Variants in GALNTL6 observed in about 807,000 individuals in gnomAD.
GALNTL6 encodes the protein polypeptide N-acetylgalactosaminyltransferase like 6.
Under a neutral mutation model 73.7 loss-of-function variants are expected in GALNTL6, and 46 were observed. The observed-to-expected ratio is 0.62, with a 90% CI of 0.49 to 0.80. The LOEUF is 0.80. GALNTL6 is among the 30% of genes least tolerant of loss of function. GALNTL6 has a pLI of 0.00. For synonymous variants in GALNTL6, 259 were observed against 263.7 expected, an observed-to-expected ratio of 0.98 and a Z score of 0.17; for missense variants, 604 against 755.0, an observed-to-expected ratio of 0.80 and a Z score of 2.34.
In GALNTL6 at chr4:172,808,789, G is replaced by A. The variant is rs149710981; in HGVS notation, c.554-572G>A. On this transcript the variant is annotated intron_variant, in intron 5 of 12. Transcript: ENST00000506823. Reference sequence around the variant, plus strand: ...TAGGTAAGTTCCAAACGACTGTATAGTATTTCATCTGCAGCCAGTCACCTT... The same window carrying A: ...TAGGTAAGTTCCAAACGACTGTATAATATTTCATCTGCAGCCAGTCACCTT... Among the ~76,000 whole-genome samples, 80 of 152,304 alleles carry A rather than the reference G, an allele frequency of 5.3e-4. 1 individual carries two copies. The South Asian group carries it at 5.8e-3, about 11-fold the overall frequency.
intron 5 of GALNTL6, among the ~76,000 whole-genome samples, chr4:172,654,559 T>A (rs1168144491): frequency 5.9e-5 from 9 of 152,210 alleles, no homozygotes; most frequent in Non-Finnish European, 1.3e-4. Context: ...CCTTGGTGAA[T>A]CTCTACTGTC....
In GALNTL6 at chr4:172,429,175, A is replaced by ATTATTTTATTTTGTTTTATTATTTTATT. The variant is rs1731340851; in HGVS notation, c.553+80498_553+80499insGTTTTATTATTTTATTTTATTTTATTTT. ...CCACCTCTTTATTTTATTTTGTTTT[A>ATTATTTTATTTTGTTTTATTATTTTATT]TTATTTTATTTTATTTTATATTATT... On this transcript the variant is annotated intron_variant, in intron 5 of 12. Transcript: ENST00000506823. Among the ~76,000 whole-genome samples, 8 of 13,304 alleles carry ATTATTTTATTTTGTTTTATTATTTTATT rather than the reference A, an allele frequency of 6.0e-4. 1 individual carries two copies. The highest frequency in any genetic ancestry group is 5.6e-3 in the Admixed American group (6 of 1,074). The allele number at this position is 13,304 out of a possible 152,430, so 8.7% of individuals were successfully genotyped here.
chr4:172,300,771 C>G (rs1422553685), intron 3 of GALNTL6, among the ~76,000 whole-genome samples: 1 of 152,088 alleles, frequency 6.6e-6, no homozygotes, highest in Non-Finnish European at 1.5e-5. Flanking sequence ...CTTGTGGTAA[C>G]CCGACCTTTC....
intron 2 of GALNTL6, among the ~76,000 whole-genome samples, chr4:172,209,407 T>C (rs1736252287): frequency 6.7e-6 from 1 of 149,754 alleles, no homozygotes; most frequent in African/African-American, 2.5e-5. Context: ...GAATTCTGAC[T>C]ATCTTTCTAA....
At chr4:172,537,562 C>A (rs1004804935) in intron 5 of GALNTL6, among the ~76,000 whole-genome samples, 7 of 152,124 alleles carry the variant, frequency 4.6e-5, no homozygotes, top group Non-Finnish European at 1.0e-4. Flanking sequence ...AGCTCTTTTT[C>A]TTTATAAATT....
At chr4:172,974,379 T>A (rs1469256718) in intron 10 of GALNTL6, among the ~76,000 whole-genome samples, 1 of 152,222 alleles carries the variant, frequency 6.6e-6, no homozygotes, top group African/African-American at 2.4e-5. Flanking sequence ...ATTAGTTACC[T>A]AGAGTACTTT....
intron 2 of GALNTL6, among the ~76,000 whole-genome samples, chr4:172,079,969 T>G (rs1355604763): frequency 6.6e-6 from 1 of 152,176 alleles, no homozygotes; most frequent in East Asian, 1.9e-4. Context: ...AGTGTCATAC[T>G]TAGAAACATC....
chr4:171,960,396 C>A (rs933830622), intron 2 of GALNTL6, among the ~76,000 whole-genome samples: 2 of 151,966 alleles, frequency 1.3e-5, no homozygotes, highest in Non-Finnish European at 1.5e-5. Flanking sequence ...CCTGTCTCAG[C>A]CTCCCGAGTA....
At chr4:172,834,395 G>C (rs752270805) in intron 7 of GALNTL6, among the ~76,000 whole-genome samples, 1 of 152,244 alleles carries the variant, frequency 6.6e-6, no homozygotes, top group Admixed American at 6.5e-5. Flanking sequence ...GCCCATTACA[G>C]CGAGGTAAGC....
chr4:172,460,536 C>T (rs1385804354), intron 5 of GALNTL6, among the ~76,000 whole-genome samples: 3 of 152,008 alleles, frequency 2.0e-5, no homozygotes, highest in South Asian at 4.1e-4. Context: ...AAAAGACAAC[C>T]CCATCAAAAA....
In GALNTL6 at chr4:172,847,049, T is replaced by C. The variant is rs192152847; in HGVS notation, c.923+33326T>C. ...CACACTGAAAACTTGTCCATGAATA[T>C]ATGTCACAATCACCTTTTTATTCAT... On this transcript the variant is annotated intron_variant, in intron 7 of 12. Transcript: ENST00000506823. Among the ~76,000 whole-genome samples the C allele has an allele frequency of 2.5e-3, 385 of 152,312 alleles. 1 individual carries two copies. The highest frequency in any genetic ancestry group is 6.8e-3 in the Middle Eastern group (2 of 294).
At chr4:172,833,125 C>T (rs925505767) in intron 7 of GALNTL6, among the ~76,000 whole-genome samples, 1 of 152,020 alleles carries the variant, frequency 6.6e-6, no homozygotes, top group Non-Finnish European at 1.5e-5. Flanking sequence ...AGAACATGGG[C>T]GTTCTTCCGG....
intron 5 of GALNTL6, among the ~76,000 whole-genome samples, chr4:172,697,419 T>C (rs1560887441): frequency 1.3e-5 from 2 of 152,220 alleles, no homozygotes; most frequent in African/African-American, 2.4e-5. Context: ...AAATACTAAA[T>C]AAAAAGTTGG....
chr4:172,398,996 G>T (rs1171886245), intron 5 of GALNTL6, among the ~76,000 whole-genome samples: 1 of 151,900 alleles, frequency 6.6e-6, no homozygotes, highest in Non-Finnish European at 1.5e-5. Context: ...TTTTAGTTGT[G>T]TCTTGATGAT....
chr4:172,519,449 T>C (rs895131790), intron 5 of GALNTL6, among the ~76,000 whole-genome samples: 1 of 151,028 alleles, frequency 6.6e-6, no homozygotes, highest in African/African-American at 2.4e-5. Context: ...AAATGATTGC[T>C]TGTGTCATCT....
chr4:172,032,438 GA>G (rs1741796225), intron 2 of GALNTL6, among the ~76,000 whole-genome samples: 1 of 152,128 alleles, frequency 6.6e-6, no homozygotes, highest in South Asian at 2.1e-4. Context: ...TAATGCTAAA[GA>G]ATTATCTTAA....
In GALNTL6 at chr4:172,441,857, C is replaced by T. The variant is rs187736679; in HGVS notation, c.553+93168C>T. Among the ~76,000 whole-genome samples, 60 of 151,860 alleles carry T rather than the reference C, an allele frequency of 4.0e-4. No homozygotes were observed. The East Asian group carries it at 9.7e-3, about 25-fold the overall frequency. Reference sequence around the variant, plus strand: ...TGGTGTATGAGGGAGCTAGGGAAGACGTGGAAATGTGGCTCAATTTGTAGT... The same window carrying T: ...TGGTGTATGAGGGAGCTAGGGAAGATGTGGAAATGTGGCTCAATTTGTAGT... On this transcript the variant is annotated intron_variant, in intron 5 of 12. Transcript: ENST00000506823.
intron 3 of GALNTL6, among the ~76,000 whole-genome samples, chr4:172,258,454 A>G (rs995192949): frequency 3.3e-5 from 5 of 151,230 alleles, no homozygotes; most frequent in Admixed American, 2.0e-4. Flanking sequence ...TGTGAGAATT[A>G]TGTTTTTCAT....
At chr4:172,966,715 T>C (rs1313497601) in intron 10 of GALNTL6, among the ~76,000 whole-genome samples, 2 of 152,208 alleles carry the variant, frequency 1.3e-5, no homozygotes, top group African/African-American at 4.8e-5. Flanking sequence ...CTAAGACTAA[T>C]GCCAGTATGC....
Sources: allele counts gnomAD v4.1 joint callset (sites outside exome capture counted in the v4.1 genomes callset), GRCh38; gene constraint gnomAD v4.1.1; transcripts MANE v1.5; gene names NCBI Gene and HGNC (gene_info 2026-07-23, HGNC 2026-07-21).